DLGAP2: variants seen among roughly 807,000 people sequenced by gnomAD.
DLGAP2 encodes DLG associated protein 2.
Under a neutral mutation model 100.3 loss-of-function variants are expected in DLGAP2, and 26 were observed. That is an observed-to-expected ratio of 0.26 (90% confidence interval 0.19 to 0.36). The LOEUF is 0.36. Ranked by LOEUF, DLGAP2 falls within the 10% of genes least tolerant of loss-of-function variation. DLGAP2 has a pLI of 1.00. For missense variants in DLGAP2, 1,858 were observed against 1,453.2 expected (o/e 1.28, Z -4.53); for synonymous variants, 886 against 630.1 (o/e 1.41, Z -6.08).
intron 2 of DLGAP2, among the ~76,000 whole-genome samples, chr8:1,055,056 G>A (rs552718256): frequency 7.9e-5 from 12 of 152,248 alleles, no homozygotes; most frequent in East Asian, 3.9e-4. Context: ...ATGTTACGAC[G>A]CACATTTAAG....
intron 2 of DLGAP2, among the ~76,000 whole-genome samples, chr8:966,132 C>G (rs981506483): frequency 1.3e-5 from 2 of 152,204 alleles, no homozygotes; most frequent in Non-Finnish European, 2.9e-5. Context: ...GGGGCATCAT[C>G]CTCGTTTCTT....
intron 3 of DLGAP2, among the ~76,000 whole-genome samples, chr8:1,309,429 CA>C (rs1800562912): frequency 6.6e-6 from 1 of 151,912 alleles, no homozygotes; most frequent in African/African-American, 2.4e-5. Context: ...CTCTAGAAAC[CA>C]TGGAAGACAA....
chr8:1,569,886 G>T, intron 6 of DLGAP2, among the ~76,000 whole-genome samples: 1 of 151,944 alleles, frequency 6.6e-6, no homozygotes, highest in East Asian at 1.9e-4. Context: ...TCTGTGGAGG[G>T]CAGGTAGATC....
chr8:1,263,282 TA>T (rs1233213882), intron 3 of DLGAP2, among the ~76,000 whole-genome samples: 2 of 152,202 alleles, frequency 1.3e-5, no homozygotes, highest in African/African-American at 2.4e-5. Context: ...ATTCAAGTCT[TA>T]AAAAAACTAA....
intron 1 of DLGAP2, among the ~76,000 whole-genome samples, chr8:897,846 C>T (rs1032849164): frequency 6.6e-6 from 1 of 152,150 alleles, no homozygotes; most frequent in Non-Finnish European, 1.5e-5. Flanking sequence ...GGGGTTGGCT[C>T]CTTCCCCCAG....
chr8:906,208 A>G (rs1798377319), intron 1 of DLGAP2, among the ~76,000 whole-genome samples: 1 of 152,224 alleles, frequency 6.6e-6, no homozygotes, highest in South Asian at 2.1e-4. Context: ...TCTGCAGCTG[A>G]CTAGGTCAGC....
At chr8:1,162,804 G>A (rs1256472602) in intron 2 of DLGAP2, among the ~76,000 whole-genome samples, 8 of 152,350 alleles carry the variant, frequency 5.3e-5, no homozygotes, top group African/African-American at 1.9e-4. Context: ...GCCGCCAAAC[G>A]GCCCAGTTCT....
At chr8:1,344,430 G>C (rs571854558) in intron 3 of DLGAP2, among the ~76,000 whole-genome samples, 58 of 152,290 alleles carry the variant, frequency 3.8e-4, no homozygotes, top group Non-Finnish European at 7.1e-4. Context: ...TCCAGATTAG[G>C]TGGCCATGTG....
chr8:1,301,641 G>A (rs935197641), intron 3 of DLGAP2: 2 of 152,272 alleles, frequency 1.3e-5, no homozygotes, highest in Non-Finnish European at 2.9e-5. Context: ...ATAAGGAAGG[G>A]CCCAACATAA....
At chr8:856,361 T>C (rs1184740611) in intron 1 of DLGAP2, among the ~76,000 whole-genome samples, 2 of 152,074 alleles carry the variant, frequency 1.3e-5, no homozygotes, top group African/African-American at 2.4e-5. Flanking sequence ...GCTAATTTTG[T>C]ATTTTTGGTA....
At chr8:1,011,523 C>T (rs1313902666) in intron 2 of DLGAP2, among the ~76,000 whole-genome samples, 3 of 150,302 alleles carry the variant, frequency 2.0e-5, no homozygotes, top group Non-Finnish European at 4.4e-5. Context: ...GCACAGTGAG[C>T]CCTGGAATGA....
chr8:1,496,670 A>C (rs1234396665), intron 3 of DLGAP2, among the ~76,000 whole-genome samples: 1 of 152,146 alleles, frequency 6.6e-6, no homozygotes, highest in Non-Finnish European at 1.5e-5. Context: ...CCTCTGGGCC[A>C]CAGGGGAGCA....
At chr8:949,444 GA>G (rs149745865) in intron 2 of DLGAP2, among the ~76,000 whole-genome samples, 1,846 of 152,178 alleles carry the variant, frequency 0.012, 46 homozygotes, top group African/African-American at 0.042. Context: ...GATGAGGAGG[GA>G]GGGGTCTGCA....
chr8:1,651,124 A>C (rs1367464819), intron 8 of DLGAP2, among the ~76,000 whole-genome samples: 1 of 152,212 alleles, frequency 6.6e-6, no homozygotes, highest in Non-Finnish European at 1.5e-5. Context: ...CCACATTCTG[A>C]AGATAAACAG....
intron 3 of DLGAP2, among the ~76,000 whole-genome samples, chr8:1,463,294 C>T (rs1037163023): frequency 7.9e-5 from 12 of 152,164 alleles, no homozygotes; most frequent in South Asian, 6.2e-4. Flanking sequence ...ATGAGACAAG[C>T]GGCCCCAGCG....
At chr8:1,601,111 C>A (rs1220586704) in intron 6 of DLGAP2, among the ~76,000 whole-genome samples, 2 of 152,186 alleles carry the variant, frequency 1.3e-5, no homozygotes, top group African/African-American at 4.8e-5. Context: ...TGATAGTTTT[C>A]TTTCTAACCA....
At chr8:837,355 G>T (rs987620132) in intron 1 of DLGAP2, among the ~76,000 whole-genome samples, 1 of 152,198 alleles carries the variant, frequency 6.6e-6, no homozygotes, top group Non-Finnish European at 1.5e-5. Flanking sequence ...ACTTTTCGTG[G>T]TTCCTGACTC....
intron 3 of DLGAP2, among the ~76,000 whole-genome samples, chr8:1,425,026 TG>T (rs1797200668): frequency 6.6e-6 from 1 of 152,238 alleles, no homozygotes; most frequent in African/African-American, 2.4e-5. Flanking sequence ...GTGAATCTTA[TG>T]TGTAGCTGAT....
chr8:855,480 G>C (rs1372531534), intron 1 of DLGAP2, among the ~76,000 whole-genome samples: 1 of 152,146 alleles, frequency 6.6e-6, no homozygotes, highest in Non-Finnish European at 1.5e-5. Context: ...GGCATATTGA[G>C]GGTGCCAAGA....
Sources: gnomAD v4.1 joint callset for allele counts (sites outside exome capture counted in the v4.1 genomes callset) on GRCh38, gnomAD v4.1.1 for gene constraint, MANE v1.5 for transcripts, NCBI Gene and HGNC (gene_info 2026-07-23, HGNC 2026-07-21) for gene names.